GALM: variants seen among roughly 807,000 people sequenced by gnomAD.
GALM encodes the protein aldose 1-epimerase.
A neutral mutation model predicts 37.4 loss-of-function variants in GALM; 43 were observed. The ratio of observed to expected loss-of-function variants is 1.15; its 90% CI spans 0.90 to 1.48. The LOEUF (loss-of-function observed/expected upper bound fraction) is 1.48. GALM is among the 40% of genes most tolerant of loss of function. The pLI is 0.00. For synonymous variants in GALM, 199 were observed against 170.6 expected (o/e 1.17, Z -1.30); for missense variants, 456 against 419.1 (o/e 1.09, Z -0.77).
At chr2:38,722,268 G>C (rs1666399028) in intron 4 of GALM, among the ~76,000 whole-genome samples, 1 of 151,708 alleles carries the variant, frequency 6.6e-6, no homozygotes, top group Non-Finnish European at 1.5e-5. Flanking sequence ...CTTCTTGTGT[G>C]CTCCTAATAA....
At chr2:38,712,858 A>G (rs1249503370) in intron 4 of GALM, among the ~76,000 whole-genome samples, 1 of 152,198 alleles carries the variant, frequency 6.6e-6, no homozygotes, top group Non-Finnish European at 1.5e-5. Flanking sequence ...GATAGAGATT[A>G]CAGGGGCTAA....
At chr2:38,733,372 C>G in intron 6 of GALM, 116 bp from the exon 7 acceptor site, 4 of 835,120 alleles carry the variant, frequency 4.8e-6, no homozygotes, top group African/African-American at 1.7e-5. Flanking sequence ...AAACAGTTCC[C>G]GCACTGGCAG....
intron 3 of GALM, among the ~76,000 whole-genome samples, chr2:38,688,747 A>G (rs375871820): frequency 3.3e-5 from 5 of 152,228 alleles, no homozygotes; most frequent in African/African-American, 1.2e-4. Context: ...AAACAACACA[A>G]TGCACCTTTC....
intron 1 of GALM, among the ~76,000 whole-genome samples, chr2:38,674,503 T>C (rs567908409): frequency 1.2e-4 from 18 of 152,280 alleles, no homozygotes; most frequent in Non-Finnish European, 2.5e-4. Flanking sequence ...TTTTAAAGTA[T>C]AAGTATGTCC....
intron 1 of GALM, among the ~76,000 whole-genome samples, chr2:38,671,723 G>A (rs947592809): frequency 1.3e-5 from 2 of 152,194 alleles, no homozygotes; most frequent in African/African-American, 2.4e-5. Flanking sequence ...GGGGCACAGT[G>A]GCTCTCACCT....
intron 4 of GALM, among the ~76,000 whole-genome samples, chr2:38,726,826 G>C (rs1030138797): frequency 1.3e-5 from 2 of 151,822 alleles, no homozygotes; most frequent in African/African-American, 4.8e-5. Context: ...AACCTGGGAG[G>C]CCAAGGTTGT....
chr2:38,687,850 G>A (rs559172920), intron 3 of GALM, among the ~76,000 whole-genome samples: 3 of 152,250 alleles, frequency 2.0e-5, no homozygotes, highest in African/African-American at 7.2e-5. Context: ...TTACTCAGTT[G>A]GATTGTGTGG....
chr2:38,730,260 AAC>A (rs1666575435), intron 5 of GALM, among the ~76,000 whole-genome samples: 1 of 152,258 alleles, frequency 6.6e-6, no homozygotes, highest in South Asian at 2.1e-4. Flanking sequence ...TTGCAGAATT[AAC>A]AGTTTTGTGT....
intron 4 of GALM, among the ~76,000 whole-genome samples, chr2:38,707,165 G>T (rs1666049971): frequency 6.6e-6 from 1 of 151,980 alleles, no homozygotes; most frequent in African/African-American, 2.4e-5. Context: ...TTGAGGTTAG[G>T]GTGCCTGTGG....
At chr2:38,672,369 ATTGT>A (rs1205669215) in intron 1 of GALM, among the ~76,000 whole-genome samples, 1 of 152,192 alleles carries the variant, frequency 6.6e-6, no homozygotes, top group Non-Finnish European at 1.5e-5. Flanking sequence ...CCAAGGAAAG[ATTGT>A]TTGGCTCTTT....
rs1012977505 is a variant in GALM at position 38,733,790 on chromosome 2, G to C, written c.*225G>C. The C allele has an allele frequency of 2.1e-5, 11 of 518,704 alleles. No individual in the cohort carries two copies. Among genetic ancestry groups the C allele is most frequent in the Non-Finnish European group, 2.8e-5 (8 of 284,700 alleles). The allele number at this position is 518,704 out of a possible 1,614,324, so 32.1% of individuals were successfully genotyped here. A position where few individuals can be genotyped will look rare whatever the true frequency, so the allele number is the denominator to read the frequency against. ...ATTCCCTGTGCAGTTCAGAGGGCAA[G>C]TGAACCCAACCAACAATGTCGTCAT... is the stretch of plus-strand genomic sequence containing the variant. On this transcript the variant is annotated 3_prime_UTR_variant, in exon 7 of 7. Coordinates refer to ENST00000272252, the MANE Select transcript of GALM (RefSeq NM_138801.3).
intron 3 of GALM, among the ~76,000 whole-genome samples, chr2:38,686,684 C>G (rs985253748): frequency 2.0e-5 from 3 of 152,150 alleles, no homozygotes; most frequent in Admixed American, 6.5e-5. Flanking sequence ...CGGAATACTA[C>G]TCAACAATAC....
Position 38,729,564 on chromosome 2 carries a change from G to A in GALM, c.643G>A (p.Ala215Thr), listed in dbSNP as rs1666555733. 6 of 1,612,980 alleles carry A rather than the reference G, an allele frequency of 3.7e-6. No homozygotes were observed. The South Asian group carries it at 5.5e-5, about 15-fold the overall frequency. The change falls in exon 5 of 7, where the codon GCC (alanine) becomes ACC (threonine). Residue 215 changes from alanine (A) to threonine (T), a missense_variant. Transcript: ENST00000272252. ...DETLIPTGEV[A>T]PVQGTAFDLR... ...CTGTCTCTTCCCATCAGGAGAAGTTGCCCCAGTGCAAGGCACTGCATTCGA... is the reference window on the plus strand; with the variant it reads ...CTGTCTCTTCCCATCAGGAGAAGTTACCCCAGTGCAAGGCACTGCATTCGA...
At chr2:38,694,648 GCA>G (rs1452110835) in intron 4 of GALM, among the ~76,000 whole-genome samples, 1 of 152,168 alleles carries the variant, frequency 6.6e-6, no homozygotes, top group African/African-American at 2.4e-5. Flanking sequence ...TGTAATCCCA[GCA>G]CTCTGGGAGG....
intron 4 of GALM, among the ~76,000 whole-genome samples, chr2:38,717,587 AC>A (rs1666295395): frequency 6.6e-6 from 1 of 151,904 alleles, no homozygotes; most frequent in African/African-American, 2.4e-5. Flanking sequence ...TTTAGCAGAA[AC>A]AGGGTTTTGC....
At chr2:38,695,649 A>G (rs1216163600) in intron 4 of GALM, among the ~76,000 whole-genome samples, 1 of 152,046 alleles carries the variant, frequency 6.6e-6, no homozygotes, top group Non-Finnish European at 1.5e-5. Context: ...TTTCCACCCC[A>G]AATCCTTGTT....
intron 3 of GALM, among the ~76,000 whole-genome samples, chr2:38,682,025 G>A (rs1665409720): frequency 6.6e-6 from 1 of 152,196 alleles, no homozygotes; most frequent in African/African-American, 2.4e-5. Flanking sequence ...CTTAATAAAG[G>A]CATATTCTCA....
chr2:38,689,375 G>C (rs1046704413), intron 3 of GALM, among the ~76,000 whole-genome samples: 2 of 152,160 alleles, frequency 1.3e-5, no homozygotes, highest in African/African-American at 2.4e-5. Context: ...TGGAAACTGG[G>C]CTAGAGGGGG....
chr2:38,671,415 G>C (rs1441996559), intron 1 of GALM: 1 of 152,236 alleles, frequency 6.6e-6, no homozygotes, highest in African/African-American at 2.4e-5. Context: ...CGAGGAGGAA[G>C]CTAGACAGAT....
Sources: gnomAD v4.1 joint callset for allele counts (sites outside exome capture counted in the v4.1 genomes callset) on GRCh38, gnomAD v4.1.1 for gene constraint, MANE v1.5 for transcripts, NCBI Gene and HGNC (gene_info 2026-07-23, HGNC 2026-07-21) for gene names.